FHIP2A: variants seen among roughly 807,000 people sequenced by gnomAD.
FHIP2A encodes the protein family with sequence similarity 160 member B1.
Under a neutral mutation model 93.5 loss-of-function variants are expected in FHIP2A, and 46 were observed. That is an observed-to-expected ratio of 0.49 (90% CI 0.39 to 0.63). The LOEUF is 0.63. Ranked by LOEUF, FHIP2A falls within the 20% of genes least tolerant of loss-of-function variation. FHIP2A has a pLI of 0.00. For missense variants in FHIP2A, 769 were observed against 909.7 expected, an observed-to-expected ratio of 0.85 and a Z score of 1.99; for synonymous variants, 332 against 326.5, an observed-to-expected ratio of 1.02 and a Z score of -0.18.
intron 15 of FHIP2A, 132 bp downstream of exon 15, chr10:114,861,021 C>A: frequency 1.9e-6 from 2 of 1,034,544 alleles, no homozygotes; most frequent in African/African-American, 1.6e-5. Flanking sequence ...ATTATACATT[C>A]TGAACTACTA....
downstream of FHIP2A, among the ~76,000 whole-genome samples, chr10:114,866,939 T>C (rs1275488702): frequency 6.6e-6 from 1 of 152,212 alleles, no homozygotes; most frequent in Non-Finnish European, 1.5e-5. Flanking sequence ...CCGGGCGCGG[T>C]AGCTCACGCC....
chr10:114,858,864 C>T (rs1487052825), intron 14 of FHIP2A, among the ~76,000 whole-genome samples: 1 of 152,096 alleles, frequency 6.6e-6, no homozygotes, highest in African/African-American at 2.4e-5. Context: ...TAGAAGAGAA[C>T]TGTGATGTTC....
At position 114,846,632 on chromosome 10, in the gene FHIP2A, T is replaced by TG; in HGVS notation, c.1472_1473insG (p.Arg493GlufsTer4). The stretch of plus-strand genomic sequence containing the variant: ...AATGAGCACATTCTTTACAACTTGG[T>TG]CTTGAGAAATCTTGAAGAAAGAAAT... On this transcript the variant is annotated frameshift_variant, in exon 11 of 17. Coordinates refer to ENST00000369248, the MANE Select transcript of FHIP2A (RefSeq NM_020940.4). LOFTEE classifies it high-confidence loss of function. 1 of 1,611,926 alleles carries TG rather than the reference T, an allele frequency of 6.2e-7. No individual in the cohort carries two copies. Among genetic ancestry groups the TG allele is most frequent in the Non-Finnish European group, 8.5e-7 (1 of 1,179,042 alleles).
Position 114,862,604 on chromosome 10 carries a change from A to G in FHIP2A, c.*1064A>G. ...TATTTACATGTTAAAGGATTTGGGG[A>G]AATTGGGTATGTATGTGAATGGGTG... On this transcript the variant is annotated 3_prime_UTR_variant, in exon 17 of 17. Transcript: ENST00000369248. 3 of 986,366 alleles carry G rather than the reference A, an allele frequency of 3.0e-6. No homozygotes were observed. The highest frequency in any genetic ancestry group is 3.6e-6 in the Non-Finnish European group (3 of 830,068). The allele number at this position is 986,366 out of a possible 1,614,324, so 61.1% of individuals were successfully genotyped here.
chr10:114,824,767 T>A (rs909233655), intron 1 of FHIP2A, among the ~76,000 whole-genome samples: 3 of 152,224 alleles, frequency 2.0e-5, no homozygotes, highest in African/African-American at 7.2e-5. Context: ...ATTCCTCAGT[T>A]CATTTCATTA....
intron 16 of FHIP2A, among the ~76,000 whole-genome samples, chr10:114,890,659 T>C (rs1335976423): frequency 6.8e-6 from 1 of 147,910 alleles, no homozygotes; most frequent in East Asian, 1.9e-4. Flanking sequence ...ATATACGGTA[T>C]ATAAAATATA....
chr10:114,896,508 T>C (rs2084002225), intron 16 of FHIP2A, among the ~76,000 whole-genome samples: 1 of 152,300 alleles, frequency 6.6e-6, no homozygotes, highest in East Asian at 1.9e-4. Context: ...GGCCTCCCAT[T>C]CTATTCAAAG....
At chr10:114,886,693 C>T (rs563682197) in intron 16 of FHIP2A, among the ~76,000 whole-genome samples, 5 of 151,416 alleles carry the variant, frequency 3.3e-5, no homozygotes, top group East Asian at 3.9e-4. Flanking sequence ...TACAGGTGCC[C>T]GCCACCACAC....
At position 114,897,226 on chromosome 10, in the gene FHIP2A, T is replaced by C. The variant is rs7093672; in HGVS notation, c.2193-2264T>C. ...CTCCTTCCTTTGTTCTTCTCTGCCT[T>C]TGCCTCTTTTAGAAAGTTCTAAGTT... On this transcript the variant is annotated intron_variant, in intron 16 of 16. Transcript: ENST00000369250. Among the ~76,000 whole-genome samples, 844 of 152,348 alleles carry C rather than the reference T, an allele frequency of 5.5e-3. 9 individuals carry two copies. Among genetic ancestry groups the C allele is most frequent in the African/African-American group, 0.02 (823 of 41,582 alleles).
intron 16 of FHIP2A, among the ~76,000 whole-genome samples, chr10:114,892,207 C>G (rs2083978620): frequency 6.6e-6 from 1 of 152,036 alleles, no homozygotes; most frequent in Non-Finnish European, 1.5e-5. Flanking sequence ...TTCTGCAAAC[C>G]ATTTTTCCAA....
At chr10:114,847,323 C>G in intron 12 of FHIP2A, 90 bp downstream of exon 12, 1 of 1,212,304 alleles carries the variant, frequency 8.2e-7, no homozygotes, top group South Asian at 1.5e-5. Context: ...GAGTCTTGCT[C>G]TGTTGCCCAC....
At chr10:114,858,900 G>A (rs2083781834) in intron 14 of FHIP2A, among the ~76,000 whole-genome samples, 1 of 152,108 alleles carries the variant, frequency 6.6e-6, no homozygotes, top group South Asian at 2.1e-4. Context: ...GATAAATGCT[G>A]GAGGTGATGG....
intron 16 of FHIP2A, among the ~76,000 whole-genome samples, chr10:114,869,912 A>G (rs772974881): frequency 6.6e-6 from 1 of 152,174 alleles, no homozygotes; most frequent in Non-Finnish European, 1.5e-5. Context: ...GAGTATTTCA[A>G]AGAAATTAGT....
At chr10:114,845,867 A>T (rs1372815478) in intron 8 of FHIP2A, 146 bp from the exon 9 acceptor site, 2 of 639,516 alleles carry the variant, frequency 3.1e-6, no homozygotes, top group Admixed American at 3.0e-5. Context: ...TCTAATCTAG[A>T]TTTATATGCC....
At chr10:114,845,274 G>C (rs2083693835) in intron 7 of FHIP2A, 93 bp from the exon 8 acceptor site, 1 of 695,976 alleles carries the variant, frequency 1.4e-6, no homozygotes, top group African/African-American at 1.8e-5. Flanking sequence ...TACTATCTGA[G>C]TGTGTTCATG....
At chr10:114,887,759 G>A (rs551151806) in intron 16 of FHIP2A, among the ~76,000 whole-genome samples, 1 of 152,298 alleles carries the variant, frequency 6.6e-6, no homozygotes, top group South Asian at 2.1e-4. Flanking sequence ...CATATACAAG[G>A]CATTGTACCA....
chr10:114,896,923 G>A (rs558877724), intron 16 of FHIP2A, among the ~76,000 whole-genome samples: 1 of 152,152 alleles, frequency 6.6e-6, no homozygotes, highest in Non-Finnish European at 1.5e-5. Context: ...GTAAAGTAAA[G>A]GTTCCTCTTC....
intron 5 of FHIP2A, among the ~76,000 whole-genome samples, chr10:114,840,624 G>A (rs2083663375): frequency 6.6e-6 from 1 of 152,182 alleles, no homozygotes; most frequent in Non-Finnish European, 1.5e-5. Context: ...CAGTGGGTTG[G>A]AATGAAATGC....
chr10:114,878,410 C>T (rs2083900212), intron 16 of FHIP2A, among the ~76,000 whole-genome samples: 1 of 152,132 alleles, frequency 6.6e-6, no homozygotes, highest in African/African-American at 2.4e-5. Flanking sequence ...GGCAAAGTCA[C>T]TCATAGAAGC....
Sources: gnomAD v4.1 joint callset for allele counts (sites outside exome capture counted in the v4.1 genomes callset) on GRCh38, gnomAD v4.1.1 for gene constraint, MANE v1.5 for transcripts, NCBI Gene and HGNC (gene_info 2026-07-23, HGNC 2026-07-21) for gene names.